The following BICRAL variants were observed in gnomAD, a reference collection of about 807,000 sequenced individuals.
BICRAL encodes the protein BRD4-interacting chromatin-remodeling complex-associated protein-like.
A neutral mutation model predicts 91.8 loss-of-function variants in BICRAL; 8 were observed. The ratio of observed to expected loss-of-function variants is 0.09; its 90% CI spans 0.05 to 0.16. The LOEUF (loss-of-function observed/expected upper bound fraction) is 0.16, where lower values mean the gene tolerates loss of function less well. Ranked by LOEUF, BICRAL falls within the 10% of genes least tolerant of loss-of-function variation. The probability of loss-of-function intolerance (pLI) is 1.00; values close to 1 mark genes in which losing one functional copy is unlikely to be tolerated. For missense variants in BICRAL, 1,038 were observed against 1,310.9 expected (o/e 0.79, Z 3.21); for synonymous variants, 445 against 491.1 (o/e 0.91, Z 1.24).
At position 42,828,474 on chromosome 6, in the gene BICRAL, A is replaced by G; in HGVS notation, c.160-19A>G. On this transcript the variant is annotated intron_variant, in intron 5 of 12. Transcript: ENST00000314073. ...TCAAAGGTTACATATGCCATGTAAC[A>G]TACTGTTTATTTTTTTAGAATGCTG... 6.3e-7 allele frequency: 1 copy of G among 1,592,124 alleles called. No homozygotes were observed. The highest frequency in any genetic ancestry group is 8.6e-7 in the Non-Finnish European group (1 of 1,169,106).
chr6:42,829,714 C>A lies in BICRAL; in HGVS notation c.1381C>A (p.Pro461Thr). ...MLRTNQPYTG[P>T]MLNNQNTAVH... ...CAGGACCAACCAACCATATACTGGA[C>A]CGATGCTTAACAACCAGAATACTGC... Residue 461 changes from proline to threonine, a missense_variant, in exon 6 of 13, where the codon CCG (proline) becomes ACG (threonine). By Grantham distance (38) the Pro-to-Thr change is conservative. This residue lies in a region of BICRAL where 532 missense variants were observed against 724.9 expected (regional missense o/e 0.73). Transcript: ENST00000314073. 2 of 1,614,136 alleles carry A rather than the reference C, an allele frequency of 1.2e-6. No individual in the cohort carries two copies. Among genetic ancestry groups the A allele is most frequent in the Non-Finnish European group, 1.7e-6 (2 of 1,180,012 alleles).
At chr6:42,757,510 C>T (rs1355545131) in intron 1 of BICRAL, among the ~76,000 whole-genome samples, 1 of 152,186 alleles carries the variant, frequency 6.6e-6, no homozygotes, top group Non-Finnish European at 1.5e-5. Context: ...CCTCGGCCTC[C>T]CATAGTGCTG....
Position 42,828,947 on chromosome 6 carries a change from G to A in BICRAL, c.614G>A (p.Ser205Asn). 6.2e-7 allele frequency: 1 copy of A among 1,614,144 alleles called. No individual in the cohort carries two copies. The highest frequency in any genetic ancestry group is 1.3e-5 in the African/African-American group (1 of 75,042). The change falls in exon 6 of 13, where the codon AGT becomes AAT. Residue 205 changes from serine (S) to asparagine (N), a missense_variant. This residue lies in a region of BICRAL where 532 missense variants were observed against 724.9 expected (regional missense o/e 0.73). Transcript: ENST00000314073. ...SVPSQHLSNSSQISGSGQIQL... is the reference protein window; with the variant it reads ...SVPSQHLSNSNQISGSGQIQL... ...CCCAGCCAGCATTTGTCTAATAGCA[G>A]TCAGATTAGTGGTTCTGGTCAAATA...
At position 42,865,285 on chromosome 6, in the gene BICRAL, G is replaced by A; in HGVS notation, c.3079G>A (p.Asp1027Asn). 2 of 1,614,156 alleles carry A rather than the reference G, an allele frequency of 1.2e-6. No individual in the cohort carries two copies. The highest frequency in any genetic ancestry group is 1.7e-6 in the Non-Finnish European group (2 of 1,180,020). Residue 1027 changes from aspartate (D) to asparagine (N), a missense_variant, in exon 13 of 13, where the codon GAC becomes AAC. By Grantham distance (23) the Asp-to-Asn change is conservative (BLOSUM62 1). Coordinates refer to ENST00000314073, the MANE Select transcript of BICRAL (RefSeq NM_001393499.1). The part of the protein sequence containing the change: ...LKKAGRQPQS[D>N]PTVSGSVELD... The stretch of plus-strand genomic sequence containing the variant: ...AAAGGCGGGACGGCAGCCCCAGAGT[G>A]ACCCCACGGTTAGCGGCTCTGTTGA...
intron 1 of BICRAL, among the ~76,000 whole-genome samples, chr6:42,752,183 G>C (rs1303401139): frequency 6.6e-6 from 1 of 152,220 alleles, no homozygotes; most frequent in African/African-American, 2.4e-5. Flanking sequence ...GACAGGAGCA[G>C]CCTTTTCCTT....
rs1764184673 is a variant in BICRAL, at chr6:42,822,947, T to A, written c.103T>A (p.Leu35Met). The change falls in exon 5 of 13, where the codon TTG becomes ATG. Residue 35 changes from leucine (L) to methionine (M), a missense_variant. Leu to Met is a conservative substitution (Grantham distance 15). This residue lies in a region of BICRAL where 115 missense variants were observed against 121.5 expected (regional missense o/e 0.95). Coordinates refer to ENST00000314073, the MANE Select transcript of BICRAL (RefSeq NM_001393499.1). ...TGTATCTTTGCAGAGCAATGATGAC[T>A]TGACTAATGCAGGATATTCTGCAGC... Reference protein sequence around the residue: ...GPSNKSSNDDLTNAGYSAANS... With the variant: ...GPSNKSSNDDMTNAGYSAANS... The A allele has an allele frequency of 1.9e-6, 3 of 1,610,540 alleles. No individual in the cohort carries two copies. The South Asian group carries it at 3.3e-5, about 18-fold the overall frequency.
rs1317561599 is a variant in BICRAL at position 42,857,293 on chromosome 6, A to C, written c.2254+57A>C. On this transcript the variant is annotated intron_variant, in intron 10 of 12. Coordinates refer to ENST00000314073, the MANE Select transcript of BICRAL (RefSeq NM_001393499.1). ...TGATACCAGGAAACCCTCCATGGAC[A>C]CCCCCCAGAAAAGCAAGAGCCACAT... 3.4e-6 allele frequency: 5 copies of C among 1,451,822 alleles called. No individual in the cohort carries two copies. The African/African-American group carries it at 4.3e-5, about 12-fold the overall frequency. The allele number at this position is 1,451,822 out of a possible 1,614,324, so 89.9% of individuals were successfully genotyped here.
At chr6:42,823,623 A>G (rs1413659912) in intron 5 of BICRAL, among the ~76,000 whole-genome samples, 1 of 152,070 alleles carries the variant, frequency 6.6e-6, no homozygotes, top group Non-Finnish European at 1.5e-5. Flanking sequence ...CCCTGTCTCT[A>G]TTTTTAAAAA....
At chr6:42,863,157 TCCTG>T (rs201465414) in intron 12 of BICRAL, among the ~76,000 whole-genome samples, 1 of 151,428 alleles carries the variant, frequency 6.6e-6, no homozygotes, top group East Asian at 1.9e-4. Flanking sequence ...CACGCCATTC[TCCTG>T]CCTCAGCCTC....
intron 6 of BICRAL, among the ~76,000 whole-genome samples, chr6:42,838,430 G>A (rs1333556541): frequency 6.6e-6 from 1 of 152,142 alleles, no homozygotes; most frequent in African/African-American, 2.4e-5. Flanking sequence ...TGGTGATGCT[G>A]AGTGTGGGCA....
intron 5 of BICRAL, among the ~76,000 whole-genome samples, chr6:42,825,490 G>A (rs1376580900): frequency 4.0e-5 from 6 of 151,594 alleles, no homozygotes; most frequent in Admixed American, 1.3e-4. Context: ...GCTTGAACCC[G>A]GGAGGTGGAG....
At chr6:42,770,941 C>T (rs967842360) in intron 1 of BICRAL, among the ~76,000 whole-genome samples, 6 of 152,170 alleles carry the variant, frequency 3.9e-5, no homozygotes, top group African/African-American at 9.7e-5. Flanking sequence ...CTCGGCCTTA[C>T]AAAGTGCTGG....
At chr6:42,825,607 C>T (rs765859160) in intron 5 of BICRAL, among the ~76,000 whole-genome samples, 9 of 151,704 alleles carry the variant, frequency 5.9e-5, no homozygotes, top group Admixed American at 1.3e-4. Flanking sequence ...GTGGTGCGTG[C>T]CTATAGTCCC....
Position 42,851,419 on chromosome 6 carries a change from A to G in BICRAL, c.1840-673A>G, listed in dbSNP as rs764704147. Among the ~76,000 whole-genome samples the G allele has an allele frequency of 1.4e-3, 212 of 152,270 alleles. 3 individuals are homozygous for G. Among genetic ancestry groups the G allele is most frequent in the Non-Finnish European group, 1.4e-3 (95 of 68,028 alleles). On this transcript the variant is annotated intron_variant, in intron 6 of 12. Transcript: ENST00000314073. ...TAAGTTTTTTTTAAGAACTAAAAGG[A>G]ACTTAGTTCTTAAACATTATCCATT...
At chr6:42,863,022 C>CA (rs1233961643) in intron 12 of BICRAL, among the ~76,000 whole-genome samples, 1 of 151,354 alleles carries the variant, frequency 6.6e-6, no homozygotes, top group Non-Finnish European at 1.5e-5. Flanking sequence ...TCTGTACCCT[C>CA]AATGTTCTAA....
chr6:42,798,294 A>G (rs754904050), intron 1 of BICRAL, among the ~76,000 whole-genome samples: 8 of 152,134 alleles, frequency 5.3e-5, no homozygotes, highest in East Asian at 1.9e-4. Context: ...CCAGTATGCA[A>G]TATACCCATG....
chr6:42,776,637 C>T (rs1320227391), intron 1 of BICRAL, among the ~76,000 whole-genome samples: 1 of 152,184 alleles, frequency 6.6e-6, no homozygotes, highest in African/African-American at 2.4e-5. Context: ...CATGAGCCAC[C>T]GTACCTGGCC....
intron 1 of BICRAL, among the ~76,000 whole-genome samples, chr6:42,753,138 G>A (rs1379438305): frequency 6.6e-6 from 1 of 151,274 alleles, no homozygotes; most frequent in African/African-American, 2.4e-5. Context: ...TGTTGGCCAG[G>A]CTGGTCTCGA....
intron 6 of BICRAL, among the ~76,000 whole-genome samples, chr6:42,849,525 C>T (rs1765114334): frequency 1.3e-5 from 2 of 151,438 alleles, no homozygotes; most frequent in Admixed American, 6.6e-5. Context: ...CTGCAAGTTC[C>T]GCCTCCCAGG....
Sources: allele counts gnomAD v4.1 joint callset (sites outside exome capture counted in the v4.1 genomes callset), GRCh38; gene constraint gnomAD v4.1.1; regional missense constraint gnomAD v4.1.1; transcripts MANE v1.5; gene names NCBI Gene and HGNC (gene_info 2026-07-23, HGNC 2026-07-21).